The following PDE1A variants were observed in gnomAD, a reference collection of about 807,000 sequenced individuals.
PDE1A encodes phosphodiesterase 1A, also known as dual specificity calcium/calmodulin-dependent 3',5'-cyclic nucleotide phosphodiesterase 1A.
Under a neutral mutation model 61.7 loss-of-function variants are expected in PDE1A, and 35 were observed. That is an observed-to-expected ratio of 0.57 (90% CI 0.43 to 0.75). PDE1A has a LOEUF of 0.75. PDE1A is among the 30% of genes least tolerant of loss of function. The probability of loss-of-function intolerance (pLI) is 0.00; values close to 1 mark genes in which losing one functional copy is unlikely to be tolerated. For synonymous variants in PDE1A, 232 were observed against 213.2 expected, an observed-to-expected ratio of 1.09 and a Z score of -0.77; for missense variants, 597 against 630.6, an observed-to-expected ratio of 0.95 and a Z score of 0.57.
chr2:182,441,516 G>C (rs986018526), intron 2 of PDE1A, among the ~76,000 whole-genome samples: 2 of 151,932 alleles, frequency 1.3e-5, no homozygotes, highest in African/African-American at 4.8e-5. Flanking sequence ...ATAAACTATA[G>C]GTTTTATAAA....
chr2:182,653,430 T>C, the PDE1A span, among the ~76,000 whole-genome samples: 4 of 152,158 alleles, frequency 2.6e-5, no homozygotes, highest in African/African-American at 9.7e-5. Context: ...ATGTGGTGTG[T>C]GGCAGGACCA....
At chr2:182,690,428 C>A in the PDE1A span, among the ~76,000 whole-genome samples, 3 of 152,134 alleles carry the variant, frequency 2.0e-5, no homozygotes, top group East Asian at 5.8e-4. Context: ...GAGACAAAAA[C>A]CACATGATTA....
intron 2 of PDE1A, among the ~76,000 whole-genome samples, chr2:182,440,581 T>A (rs1684724209): frequency 6.8e-6 from 1 of 148,034 alleles, no homozygotes; most frequent in Admixed American, 6.7e-5. Flanking sequence ...TTCTGCATTA[T>A]TAAAACAAGA....
chr2:182,535,119 A>G, the PDE1A span, among the ~76,000 whole-genome samples: 2 of 152,048 alleles, frequency 1.3e-5, no homozygotes, highest in African/African-American at 4.8e-5. Context: ...AAGCACCTCT[A>G]CTATTTCATT....
At chr2:182,563,267 G>A in the PDE1A span, among the ~76,000 whole-genome samples, 4 of 151,966 alleles carry the variant, frequency 2.6e-5, no homozygotes, top group Non-Finnish European at 5.9e-5. Context: ...CTTTGTTCTC[G>A]TTGGTTTCAA....
the PDE1A span, among the ~76,000 whole-genome samples, chr2:182,703,135 G>A: frequency 2.6e-4 from 39 of 152,276 alleles, 1 homozygote; most frequent in South Asian, 3.9e-3. Context: ...TTTCAGGAGC[G>A]GGTATGGGTA....
At chr2:182,633,209 G>A in the PDE1A span, among the ~76,000 whole-genome samples, 1 of 152,154 alleles carries the variant, frequency 6.6e-6, no homozygotes, top group South Asian at 2.1e-4. Flanking sequence ...AAGATTTTCA[G>A]TTGCTCAGGT....
chr2:182,218,573 C>G (rs1052141628), intron 7 of PDE1A, among the ~76,000 whole-genome samples: 3 of 152,126 alleles, frequency 2.0e-5, no homozygotes, highest in African/African-American at 4.8e-5. Flanking sequence ...ATCTCCACCC[C>G]AGTCCCTCAT....
At chr2:182,665,934 G>A in the PDE1A span, among the ~76,000 whole-genome samples, 1,110 of 152,258 alleles carry the variant, frequency 7.3e-3, 8 homozygotes, top group Non-Finnish European at 0.013. Context: ...GATAGAGCTG[G>A]AAGTCATCAT....
the PDE1A span, among the ~76,000 whole-genome samples, chr2:182,667,796 C>T: frequency 6.6e-6 from 1 of 152,194 alleles, no homozygotes; most frequent in Non-Finnish European, 1.5e-5. Flanking sequence ...ACTTCCAAAA[C>T]TGCAACCCAA....
At chr2:182,369,324 T>C (rs1442501247) in intron 1 of PDE1A, among the ~76,000 whole-genome samples, 1 of 152,206 alleles carries the variant, frequency 6.6e-6, no homozygotes, top group African/African-American at 2.4e-5. Context: ...TAATAGCTTC[T>C]TATCGCACAG....
At chr2:182,442,852 C>T (rs915252053) in intron 2 of PDE1A, among the ~76,000 whole-genome samples, 1 of 151,954 alleles carries the variant, frequency 6.6e-6, no homozygotes, top group African/African-American at 2.4e-5. Context: ...ATAAATTTTG[C>T]TACATCAAAA....
intron 1 of PDE1A, among the ~76,000 whole-genome samples, chr2:182,275,155 G>A (rs967241041): frequency 1.3e-5 from 2 of 152,042 alleles, no homozygotes; most frequent in African/African-American, 4.8e-5. Context: ...AAAAGAGGGA[G>A]GCAGGATCAC....
chr2:182,560,077 T>TA, the PDE1A span, among the ~76,000 whole-genome samples: 4 of 151,276 alleles, frequency 2.6e-5, no homozygotes, highest in South Asian at 2.1e-4. Flanking sequence ...TTTTTTTTTT[T>TA]TATACTTTAA....
chr2:182,645,788 A>T, the PDE1A span, among the ~76,000 whole-genome samples: 1 of 152,216 alleles, frequency 6.6e-6, no homozygotes, highest in South Asian at 2.1e-4. Flanking sequence ...TGAAAAGGTA[A>T]AACGGTGAAG....
At chr2:182,383,691 G>C (rs2125329092) in intron 1 of PDE1A, among the ~76,000 whole-genome samples, 1 of 152,156 alleles carries the variant, frequency 6.6e-6, no homozygotes, top group African/African-American at 2.4e-5. Flanking sequence ...ACCTACACAA[G>C]AGCTAAGAAA....
chr2:182,349,380 T>C (rs1376884283), intron 1 of PDE1A, among the ~76,000 whole-genome samples: 2 of 152,146 alleles, frequency 1.3e-5, no homozygotes, highest in Non-Finnish European at 2.9e-5. Context: ...GGCTGTTGAG[T>C]TCTTGGGATC....
chr2:182,508,995 A>G (rs572889873), intron 2 of PDE1A, among the ~76,000 whole-genome samples: 10 of 143,968 alleles, frequency 6.9e-5, no homozygotes, highest in South Asian at 4.6e-4. Context: ...AGAGTGTGAT[A>G]TTCCCCTTCC....
intron 1 of PDE1A, among the ~76,000 whole-genome samples, chr2:182,380,052 T>A (rs990557156): frequency 1.3e-5 from 2 of 152,092 alleles, no homozygotes; most frequent in African/African-American, 4.8e-5. Context: ...ATTTACCTAT[T>A]TTCTCCCTGA....
Sources: allele counts gnomAD v4.1 joint callset (sites outside exome capture counted in the v4.1 genomes callset), GRCh38; gene constraint gnomAD v4.1.1; transcripts MANE v1.5; gene names NCBI Gene and HGNC (gene_info 2026-07-23, HGNC 2026-07-21).